C10orf67: variants seen among roughly 807,000 people sequenced by gnomAD.
C10orf67 encodes the protein uncharacterized protein C10orf67, mitochondrial.
C10orf67 carries 60 observed loss-of-function variants against 35.6 expected under a neutral mutation model. The ratio of observed to expected loss-of-function variants is 1.68; its 90% CI spans 1.37 to 2.09. The LOEUF (loss-of-function observed/expected upper bound fraction) is 2.09. Among genes scored for constraint, C10orf67 ranks in the 30% most tolerant of loss-of-function variants. C10orf67 has a pLI of 0.00. For synonymous variants in C10orf67, 167 were observed against 115.8 expected, an observed-to-expected ratio of 1.44 and a Z score of -2.84; for missense variants, 474 against 330.2, an observed-to-expected ratio of 1.44 and a Z score of -3.38.
chr10:23,306,685 G>GT (rs1290736198), intron 4 of C10orf67, among the ~76,000 whole-genome samples: 1 of 152,110 alleles, frequency 6.6e-6, no homozygotes. Context: ...TAATAACGCT[G>GT]TATTGTTTAC....
chr10:23,222,402 A>G (rs1257362884), intron 15 of C10orf67, among the ~76,000 whole-genome samples: 2 of 152,192 alleles, frequency 1.3e-5, no homozygotes, highest in African/African-American at 4.8e-5. Context: ...GTGAATTCAT[A>G]TAGAAGTAGA....
At chr10:23,242,340 A>G (rs1270902471) in intron 12 of C10orf67, among the ~76,000 whole-genome samples, 2 of 152,220 alleles carry the variant, frequency 1.3e-5, no homozygotes, top group Non-Finnish European at 2.9e-5. Context: ...AACTTTCTTC[A>G]ATAATGAAGA....
chr10:23,338,054 A>G (rs1006172544), intron 1 of C10orf67, among the ~76,000 whole-genome samples: 1 of 152,214 alleles, frequency 6.6e-6, no homozygotes, highest in African/African-American at 2.4e-5. Context: ...AGATTGAGAG[A>G]TGGATGTCAA....
intron 7 of C10orf67, among the ~76,000 whole-genome samples, chr10:23,284,503 T>C (rs1843470766): frequency 6.7e-6 from 1 of 149,230 alleles, no homozygotes; most frequent in African/African-American, 2.5e-5. Context: ...AGCAACATAG[T>C]GAGAGACCAT....
At chr10:23,232,837 A>G (rs1418588791) in intron 13 of C10orf67, among the ~76,000 whole-genome samples, 3 of 152,174 alleles carry the variant, frequency 2.0e-5, no homozygotes, top group African/African-American at 7.2e-5. Flanking sequence ...ACAAAAACAG[A>G]TCCCAGATCC....
intron 5 of C10orf67, among the ~76,000 whole-genome samples, chr10:23,293,929 G>A (rs563294076): frequency 1.3e-5 from 2 of 152,344 alleles, no homozygotes; most frequent in South Asian, 2.1e-4. Context: ...CCAACCCAGA[G>A]CTACTGTGTC....
intron 2 of C10orf67, among the ~76,000 whole-genome samples, chr10:23,329,797 C>CAAAAAAAAAAAAAAAAAAAAAA (rs398013008): frequency 7.1e-4 from 34 of 48,080 alleles, no homozygotes; most frequent in Non-Finnish European, 9.2e-4. Context: ...GAACTTGTCT[C>CAAAAAAAAAAAAAAAAAAAAAA]AAAAAAAAAA....
Position 23,322,451 on chromosome 10 carries a change from CAA to C in C10orf67, c.412_413del (p.Leu138GlufsTer8), listed in dbSNP as rs761240598. 1.4e-5 allele frequency: 22 copies of C among 1,609,106 alleles called. No homozygotes were observed. Among genetic ancestry groups the C allele is most frequent in the Non-Finnish European group, 1.7e-5 (20 of 1,175,576 alleles). ...TGTCATGCAGAATGGTGAAGAGACT[CAA>C]AGATTCCTCTTTCAGTCGGTCCTCA... ...KFEDRLKEES[L>X]SLFTILHDRI... On this transcript the variant is annotated frameshift_variant, in exon 3 of 16. Coordinates refer to ENST00000636213, the MANE Select transcript of C10orf67 (RefSeq NM_001371909.1). LOFTEE classifies it high-confidence loss of function.
intron 15 of C10orf67, among the ~76,000 whole-genome samples, chr10:23,218,659 A>G (rs1322485333): frequency 6.6e-6 from 1 of 152,206 alleles, no homozygotes; most frequent in Non-Finnish European, 1.5e-5. Context: ...AAGTAATGGA[A>G]AAGTTGGTGG....
At chr10:23,299,395 A>G (rs1242394235) in intron 5 of C10orf67, among the ~76,000 whole-genome samples, 1 of 152,038 alleles carries the variant, frequency 6.6e-6, no homozygotes, top group Non-Finnish European at 1.5e-5. Flanking sequence ...GCTCGTCCAT[A>G]TTGTCCTTCT....
intron 4 of C10orf67, chr10:23,318,100 T>TA (rs779655068): frequency 0.088 from 3,208 of 36,280 alleles, 299 homozygotes; most frequent in African/African-American, 0.22. Context: ...TCCCTGTCTC[T>TA]AAAAAAAAAA....
At chr10:23,258,376 ATTGGCAC>A (rs1842660050) in intron 10 of C10orf67, 1 of 169,022 alleles carries the variant, frequency 5.9e-6, no homozygotes, top group African/African-American at 2.4e-5. Flanking sequence ...GCTGTTTCTG[ATTGGCAC>A]CTTTCTATTA....
chr10:23,283,473 C>T (rs201240964), intron 7 of C10orf67, among the ~76,000 whole-genome samples: 3 of 152,154 alleles, frequency 2.0e-5, no homozygotes, highest in African/African-American at 2.4e-5. Context: ...ACTCTGGTTC[C>T]GGGCTTTCCT....
chr10:23,228,485 C>T (rs1192770260), intron 13 of C10orf67, among the ~76,000 whole-genome samples: 2 of 152,032 alleles, frequency 1.3e-5, no homozygotes, highest in Non-Finnish European at 2.9e-5. Context: ...CCATAAAAAC[C>T]CTAGAAGAAA....
At position 23,278,589 on chromosome 10, in the gene C10orf67, G is replaced by A. The variant is rs550184770; in HGVS notation, c.975+3424C>T. 2.0e-4 allele frequency among the ~76,000 whole-genome samples: 31 copies of A among 152,304 alleles called. 1 individual carries two copies. In the East Asian group the frequency reaches 5.8e-3, roughly 28 times the overall value. Reference sequence around the variant, plus strand: ...GCCATCTCTATAGAATGTGATGAGAGCCACAAGAGGAGAACTGTGTGCCAC... The same window carrying A: ...GCCATCTCTATAGAATGTGATGAGAACCACAAGAGGAGAACTGTGTGCCAC... On this transcript the variant is annotated intron_variant, in intron 8 of 15. Coordinates refer to ENST00000636213, the MANE Select transcript of C10orf67 (RefSeq NM_001371909.1).
Position 23,302,644 on chromosome 10 carries a change from G to A in C10orf67, c.702+660C>T, listed in dbSNP as rs534241451. 9.2e-5 allele frequency among the ~76,000 whole-genome samples: 14 copies of A among 152,256 alleles called. No homozygotes were observed. In the South Asian group the frequency reaches 1.2e-3, roughly 14 times the overall value. ...GACCATGGTTGGGCCTGGGACATCC[G>A]GTGGCTCAGAGCAGACATGAGATGA... On this transcript the variant is annotated intron_variant, in intron 5 of 15. Coordinates refer to ENST00000636213, the MANE Select transcript of C10orf67 (RefSeq NM_001371909.1).
In C10orf67 at chr10:23,226,549, T is replaced by C. The variant is rs61085092; in HGVS notation, c.1435-2731A>G. ...AAAGAACTAGAGAAACAAGAGCAAA[T>C]ACATTCAAAAGCTAGCAGAAGACAA... On this transcript the variant is annotated intron_variant, in intron 13 of 15. Transcript: ENST00000636213. 8.9e-3 allele frequency among the ~76,000 whole-genome samples: 1,342 copies of C among 151,552 alleles called. 23 individuals are homozygous for C. The highest frequency in any genetic ancestry group is 0.03 in the African/African-American group (1,227 of 41,294).
intron 7 of C10orf67, among the ~76,000 whole-genome samples, chr10:23,284,571 G>A (rs1843473709): frequency 6.6e-6 from 1 of 151,744 alleles, no homozygotes; most frequent in Non-Finnish European, 1.5e-5. Context: ...CATGCCTGTA[G>A]TCCAACCTAC....
At chr10:23,316,749 T>C (rs1448478967) in intron 4 of C10orf67, 1 of 152,398 alleles carries the variant, frequency 6.6e-6, no homozygotes, top group Non-Finnish European at 1.5e-5. Flanking sequence ...GTCATCCTGA[T>C]ATCTGTTCAG....
Sources: allele counts gnomAD v4.1 joint callset (sites outside exome capture counted in the v4.1 genomes callset), GRCh38; gene constraint gnomAD v4.1.1; transcripts MANE v1.5; gene names NCBI Gene and HGNC (gene_info 2026-07-23, HGNC 2026-07-21).